The following CFAP61 variants were observed in gnomAD, a reference collection of about 807,000 sequenced individuals.
CFAP61 encodes the protein cilia- and flagella-associated protein 61.
Under a neutral mutation model 135.6 loss-of-function variants are expected in CFAP61, and 107 were observed. That is an observed-to-expected ratio of 0.79 (90% confidence interval 0.67 to 0.93). The LOEUF is 0.93. Ranked by LOEUF, CFAP61 falls within the 40% of genes least tolerant of loss-of-function variation. CFAP61 has a pLI of 0.00. For synonymous variants in CFAP61, 575 were observed against 578.5 expected (o/e 0.99, Z 0.09); for missense variants, 1,507 against 1,556.2 (o/e 0.97, Z 0.53).
intron 13 of CFAP61, among the ~76,000 whole-genome samples, chr20:20,181,108 A>G (rs2055032584): frequency 6.6e-6 from 1 of 151,776 alleles, no homozygotes; most frequent in East Asian, 1.9e-4. Context: ...CCCCAATGAC[A>G]CAAGTTTGTC....
intron 6 of CFAP61, among the ~76,000 whole-genome samples, chr20:20,077,264 A>G (rs1486220363): frequency 2.0e-5 from 3 of 152,358 alleles, no homozygotes; most frequent in East Asian, 3.9e-4. Flanking sequence ...ATTTACATAT[A>G]GTAGCATGAA....
intron 8 of CFAP61, among the ~76,000 whole-genome samples, chr20:20,101,825 A>C (rs2048045850): frequency 6.6e-6 from 1 of 152,000 alleles, no homozygotes; most frequent in South Asian, 2.1e-4. Flanking sequence ...GACAGAGTTC[A>C]TCATGTTGGC....
intron 18 of CFAP61, among the ~76,000 whole-genome samples, chr20:20,238,474 CTACAT>C (rs1346533046): frequency 6.6e-6 from 1 of 152,130 alleles, no homozygotes; most frequent in Non-Finnish European, 1.5e-5. Context: ...AATTTTTTCT[CTACAT>C]TATCTATTTG....
intron 21 of CFAP61, among the ~76,000 whole-genome samples, chr20:20,271,990 G>A (rs888948936): frequency 3.9e-5 from 6 of 152,044 alleles, no homozygotes; most frequent in Admixed American, 1.3e-4. Context: ...GTGATATTCC[G>A]GTAATGTGAA....
chr20:20,138,142 T>C (rs555216954), intron 8 of CFAP61, among the ~76,000 whole-genome samples: 1 of 152,258 alleles, frequency 6.6e-6, no homozygotes, highest in Admixed American at 6.5e-5. Flanking sequence ...GACAAAGTCC[T>C]CTTCACTCCC....
intron 18 of CFAP61, among the ~76,000 whole-genome samples, chr20:20,228,998 C>T (rs2048937951): frequency 6.6e-6 from 1 of 152,214 alleles, no homozygotes; most frequent in Non-Finnish European, 1.5e-5. Context: ...GCATGTGGGC[C>T]AGGACCTTTC....
intron 26 of CFAP61, among the ~76,000 whole-genome samples, chr20:20,354,484 CAGAG>C (rs1190447489): frequency 8.0e-6 from 1 of 125,166 alleles, no homozygotes; most frequent in African/African-American, 3.1e-5. Flanking sequence ...GTCTGGGTGA[CAGAG>C]AGAGACCTTG....
At chr20:20,113,130 A>G (rs372530204) in intron 8 of CFAP61, among the ~76,000 whole-genome samples, 11 of 152,312 alleles carry the variant, frequency 7.2e-5, no homozygotes, top group African/African-American at 2.2e-4. Flanking sequence ...GAGAATGTGC[A>G]TTCTCTGTTT....
chr20:20,194,680 G>A (rs539377437), intron 15 of CFAP61, among the ~76,000 whole-genome samples: 1 of 152,266 alleles, frequency 6.6e-6, no homozygotes, highest in African/African-American at 2.4e-5. Context: ...CCCTGTCACT[G>A]GTAATGCCAC....
chr20:20,262,123 A>G (rs1407782406), intron 20 of CFAP61, among the ~76,000 whole-genome samples: 1 of 152,164 alleles, frequency 6.6e-6, no homozygotes. Context: ...ATTTTTGCCA[A>G]AAATGGCCAC....
chr20:20,296,930 A>C (rs912186972), intron 24 of CFAP61, among the ~76,000 whole-genome samples: 19 of 152,124 alleles, frequency 1.2e-4, no homozygotes, highest in African/African-American at 4.6e-4. Flanking sequence ...GCACTTTGTT[A>C]TGGTGGTAGA....
At chr20:20,281,768 C>A (rs959892136) in intron 22 of CFAP61, among the ~76,000 whole-genome samples, 21 of 152,078 alleles carry the variant, frequency 1.4e-4, no homozygotes, top group Non-Finnish European at 1.2e-4. Context: ...GCTGTGTTGG[C>A]CTTATAAAAA....
At chr20:20,125,698 T>G (rs2146706391) in intron 8 of CFAP61, among the ~76,000 whole-genome samples, 1 of 152,006 alleles carries the variant, frequency 6.6e-6, no homozygotes, top group African/African-American at 2.4e-5. Context: ...CTGTAGTTGT[T>G]GGATGAAATG....
intron 7 of CFAP61, among the ~76,000 whole-genome samples, chr20:20,092,912 T>A (rs1177882875): frequency 6.6e-6 from 1 of 152,226 alleles, no homozygotes; most frequent in Non-Finnish European, 1.5e-5. Context: ...GCTGTGGCCA[T>A]TTTGGAAAAA....
At chr20:20,248,437 T>C (rs1249783568) in intron 19 of CFAP61, among the ~76,000 whole-genome samples, 1 of 152,216 alleles carries the variant, frequency 6.6e-6, no homozygotes, top group East Asian at 1.9e-4. Context: ...TCGTTAACCA[T>C]TGTTTTAATT....
intron 6 of CFAP61, among the ~76,000 whole-genome samples, chr20:20,086,869 AAGGGAAGTTGGG>A (rs1568867840): frequency 6.6e-6 from 1 of 152,104 alleles, no homozygotes; most frequent in Non-Finnish European, 1.5e-5. Flanking sequence ...GGTTCCTGGG[AAGGGAAGTTGGG>A]AGAGAAGAGT....
At chr20:20,215,712 T>C (rs1411622286) in intron 17 of CFAP61, among the ~76,000 whole-genome samples, 1 of 152,222 alleles carries the variant, frequency 6.6e-6, no homozygotes, top group African/African-American at 2.4e-5. Flanking sequence ...TTAACCATGA[T>C]TTCTTTTTCA....
chr20:20,228,156 T>C (rs2048875932), intron 17 of CFAP61, 93 bp from the exon 18 acceptor site: 1 of 1,133,236 alleles, frequency 8.8e-7, no homozygotes, highest in South Asian at 1.8e-5. Flanking sequence ...GGTAATGTCC[T>C]GGTTAGATAA....
At chr20:20,053,063 CTG>C (rs2043891102) in intron 1 of CFAP61, among the ~76,000 whole-genome samples, 1 of 152,180 alleles carries the variant, frequency 6.6e-6, no homozygotes, top group Admixed American at 6.5e-5. Flanking sequence ...TGTTTAAATT[CTG>C]TGTGTGCCTT....
Sources: allele counts gnomAD v4.1 joint callset (sites outside exome capture counted in the v4.1 genomes callset), GRCh38; gene constraint gnomAD v4.1.1; transcripts MANE v1.5; gene names NCBI Gene and HGNC (gene_info 2026-07-23, HGNC 2026-07-21).